Variants in PLCH1 observed in about 807,000 individuals in gnomAD.
The protein encoded by PLCH1 is phospholipase C eta 1, also known as 1-phosphatidylinositol 4,5-bisphosphate phosphodiesterase eta-1.
In PLCH1, 60 loss-of-function variants were observed where a neutral mutation model predicts 126.7. The observed-to-expected ratio is 0.47, with a 90% CI of 0.38 to 0.59. The LOEUF is 0.59. PLCH1 is among the 20% of genes least tolerant of loss of function. PLCH1 has a pLI of 0.00. For missense variants in PLCH1, 1,723 were observed against 2,040.0 expected (o/e 0.84, Z 2.99); for synonymous variants, 719 against 734.9 (o/e 0.98, Z 0.35).
intron 21 of PLCH1, among the ~76,000 whole-genome samples, chr3:155,465,986 G>C (rs1712914779): frequency 6.6e-6 from 1 of 152,232 alleles, no homozygotes; most frequent in Admixed American, 6.5e-5. Flanking sequence ...ACACCGGATA[G>C]ATTTCTGAGG....
intron 21 of PLCH1, among the ~76,000 whole-genome samples, chr3:155,463,974 CT>C (rs1338292270): frequency 1.3e-5 from 2 of 152,108 alleles, no homozygotes; most frequent in Non-Finnish European, 2.9e-5. Flanking sequence ...GGGTACCAGG[CT>C]TTGAGCTAGG....
At position 155,712,995 on chromosome 3, in the gene PLCH1, A is replaced by AG. The variant is rs947752610; in HGVS notation, c.-40-8732_-40-8731insC. Among the ~76,000 whole-genome samples the AG allele has an allele frequency of 6.5e-5, 3 of 46,018 alleles. No homozygotes were observed. In the African/African-American group the frequency reaches 7.4e-4, roughly 11 times the overall value. The allele number at this position is 46,018 out of a possible 152,430, so 30.2% of individuals were successfully genotyped here. On this transcript the variant is annotated intron_variant, in intron 1 of 22. Transcript: ENST00000460012. ...AATTTTCCATTTATATCTTGTCTTT[A>AG]AAAAAAAAAAAGCCCTTACAATAGC...
chr3:155,569,716 C>G (rs555095207), intron 6 of PLCH1, among the ~76,000 whole-genome samples: 36 of 152,200 alleles, frequency 2.4e-4, no homozygotes, highest in African/African-American at 7.7e-4. Context: ...AAATTGATAA[C>G]AATTTTACAT....
At chr3:155,664,712 C>T (rs1742541169) in intron 2 of PLCH1, among the ~76,000 whole-genome samples, 1 of 152,180 alleles carries the variant, frequency 6.6e-6, no homozygotes, top group Admixed American at 6.5e-5. Context: ...AAAGCTTCCC[C>T]TTGCATTTGC....
chr3:155,700,716 A>G (rs1459052499), intron 2 of PLCH1, among the ~76,000 whole-genome samples: 2 of 152,230 alleles, frequency 1.3e-5, no homozygotes, highest in East Asian at 3.8e-4. Context: ...AATTGCAAAT[A>G]CACTCATTAT....
At chr3:155,609,679 A>G (rs1734797697) in intron 2 of PLCH1, among the ~76,000 whole-genome samples, 2 of 152,106 alleles carry the variant, frequency 1.3e-5, no homozygotes, top group African/African-American at 4.8e-5. Context: ...TTTGCCAGAC[A>G]AATATATATA....
Position 155,531,240 on chromosome 3 carries a change from C to T in PLCH1, c.1363-7236G>A, listed in dbSNP as rs543989998. ...AACAAGAGACTCAGCCTGTTCTTGA[C>T]GCTTTGAAGGCAGGCAATGACTCCT... On this transcript the variant is annotated intron_variant, in intron 10 of 22. Transcript: ENST00000460012. Among the ~76,000 whole-genome samples the T allele has an allele frequency of 1.6e-3, 237 of 152,344 alleles. 1 individual carries two copies. Among genetic ancestry groups the T allele is most frequent in the African/African-American group, 5.2e-3 (216 of 41,578 alleles).
chr3:155,739,793 C>T (rs527746735), intron 1 of PLCH1, among the ~76,000 whole-genome samples: 30 of 152,312 alleles, frequency 2.0e-4, no homozygotes, highest in Admixed American at 5.9e-4. Context: ...ACTAACCTCT[C>T]TGAACCTCAT....
At chr3:155,470,286 C>A (rs1298148822) in intron 21 of PLCH1, among the ~76,000 whole-genome samples, 1 of 152,074 alleles carries the variant, frequency 6.6e-6, no homozygotes, top group Non-Finnish European at 1.5e-5. Flanking sequence ...AATACAGAAG[C>A]CTTAGGAGCC....
intron 5 of PLCH1, 107 bp downstream of exon 5, chr3:155,585,958 G>T: frequency 2.3e-6 from 2 of 856,654 alleles, no homozygotes; most frequent in Non-Finnish European, 3.8e-6. Flanking sequence ...ACAGTACAGA[G>T]CACATATATT....
In PLCH1 at chr3:155,492,859, C is replaced by A. The variant is rs1361094430; in HGVS notation, c.2183-6G>T. 2.5e-6 allele frequency: 4 copies of A among 1,583,752 alleles called. No homozygotes were observed. The African/African-American group carries it at 5.4e-5, about 22-fold the overall frequency. Reference sequence around the variant, plus strand: ...AGAGAAAGGGTTGAAAGTACCTAGGCCAAGTAAAGTATAAGTTGGTAACAT... The same window carrying A: ...AGAGAAAGGGTTGAAAGTACCTAGGACAAGTAAAGTATAAGTTGGTAACAT... On this transcript the variant is annotated splice_polypyrimidine_tract_variant and splice_region_variant and intron_variant, in intron 17 of 22. Coordinates refer to ENST00000460012, the MANE Select transcript of PLCH1 (RefSeq NM_014996.4).
chr3:155,743,459 G>T (rs548606133), intron 1 of PLCH1: 1 of 414,974 alleles, frequency 2.4e-6, no homozygotes, highest in South Asian at 1.8e-5. Flanking sequence ...TTGAACCCAG[G>T]AGGCGGAGGT....
intron 2 of PLCH1, among the ~76,000 whole-genome samples, chr3:155,636,348 G>C (rs1333626956): frequency 2.0e-5 from 3 of 152,086 alleles, no homozygotes; most frequent in Admixed American, 6.5e-5. Flanking sequence ...GTTGCTATTA[G>C]GGAAAAAAGT....
At chr3:155,512,050 C>T (rs960071359) in intron 12 of PLCH1, among the ~76,000 whole-genome samples, 5 of 150,400 alleles carry the variant, frequency 3.3e-5, no homozygotes, top group African/African-American at 9.8e-5. Flanking sequence ...GATATAGTCT[C>T]GTGGTGCGCC....
At chr3:155,469,581 AAGG>A (rs1302319260) in intron 21 of PLCH1, among the ~76,000 whole-genome samples, 1 of 152,236 alleles carries the variant, frequency 6.6e-6, no homozygotes, top group African/African-American at 2.4e-5. Context: ...ACCACAGCTC[AAGG>A]AGGCCTGCCT....
chr3:155,661,256 GGAGA>G (rs904442373), intron 2 of PLCH1, among the ~76,000 whole-genome samples: 3 of 151,884 alleles, frequency 2.0e-5, no homozygotes, highest in African/African-American at 4.8e-5. Context: ...TAGAGAGCAG[GGAGA>G]GAGAGAGAGG....
intron 2 of PLCH1, among the ~76,000 whole-genome samples, chr3:155,645,432 A>G (rs1257522151): frequency 6.6e-6 from 1 of 152,176 alleles, no homozygotes; most frequent in Non-Finnish European, 1.5e-5. Flanking sequence ...TAAGACACAT[A>G]GTCACAGAAA....
chr3:155,596,054 T>G (rs1732941104), intron 3 of PLCH1, among the ~76,000 whole-genome samples, 178 bp downstream of exon 3: 1 of 152,208 alleles, frequency 6.6e-6, no homozygotes, highest in South Asian at 2.1e-4. Context: ...AAGAAAACTT[T>G]TATGGATTTA....
intron 2 of PLCH1, among the ~76,000 whole-genome samples, chr3:155,663,471 A>G (rs545970819): frequency 6.6e-6 from 1 of 152,186 alleles, no homozygotes; most frequent in Admixed American, 6.5e-5. Context: ...CCCACTTTCC[A>G]TAAGCCAGTC....
Sources: allele counts gnomAD v4.1 joint callset (sites outside exome capture counted in the v4.1 genomes callset), GRCh38; gene constraint gnomAD v4.1.1; transcripts MANE v1.5; gene names NCBI Gene and HGNC (gene_info 2026-07-23, HGNC 2026-07-21).